The following COL10A1 variants were observed in gnomAD, a reference collection of about 807,000 sequenced individuals.
The protein encoded by COL10A1 is collagen type X alpha 1 chain.
A neutral mutation model predicts 18.2 loss-of-function variants in COL10A1; 10 were observed. The observed-to-expected ratio is 0.55, with a 90% confidence interval of 0.34 to 0.93. The LOEUF (loss-of-function observed/expected upper bound fraction) is 0.93. Ranked by LOEUF, COL10A1 falls within the 40% of genes least tolerant of loss-of-function variation. COL10A1 has a pLI of 0.02. For missense variants in COL10A1, 897 were observed against 853.5 expected, an observed-to-expected ratio of 1.05 and a Z score of -0.64; for synonymous variants, 330 against 316.6, an observed-to-expected ratio of 1.04 and a Z score of -0.45.
At chr6:116,141,922 A>ACACC (rs1779776278) in intron 1 of COL10A1, among the ~76,000 whole-genome samples, 1 of 145,544 alleles carries the variant, frequency 6.9e-6, no homozygotes, top group African/African-American at 2.5e-5. Context: ...ACACACACAC[A>ACACC]CACACTGTAA....
the COL10A1 span, among the ~76,000 whole-genome samples, chr6:116,208,068 A>G: frequency 6.6e-6 from 1 of 151,980 alleles, no homozygotes; most frequent in African/African-American, 2.4e-5. Context: ...TTCAGTCCTC[A>G]GTGTGGGGCA....
chr6:116,180,673 T>C, the COL10A1 span, among the ~76,000 whole-genome samples: 28 of 152,204 alleles, frequency 1.8e-4, no homozygotes, highest in African/African-American at 6.5e-4. Flanking sequence ...TAATTACCAG[T>C]TCATAGGAAC....
chr6:116,132,035 A>T (rs1429649328), intron 1 of COL10A1, among the ~76,000 whole-genome samples: 3 of 152,142 alleles, frequency 2.0e-5, no homozygotes, highest in Non-Finnish European at 2.9e-5. Context: ...ATAGTATTCC[A>T]TGGGGTATAT....
At chr6:116,202,168 A>C in the COL10A1 span, among the ~76,000 whole-genome samples, 1 of 152,002 alleles carries the variant, frequency 6.6e-6, no homozygotes, top group Admixed American at 6.6e-5. Flanking sequence ...GCACCAGTCT[A>C]GACAGTGTAG....
At chr6:116,197,819 T>C in the COL10A1 span, among the ~76,000 whole-genome samples, 1 of 152,206 alleles carries the variant, frequency 6.6e-6, no homozygotes, top group African/African-American at 2.4e-5. Flanking sequence ...CATTTCTTCT[T>C]TATGTTTGCT....
the COL10A1 span, among the ~76,000 whole-genome samples, chr6:116,175,548 G>A: frequency 6.6e-5 from 10 of 152,074 alleles, no homozygotes; most frequent in Non-Finnish European, 1.2e-4. Context: ...CCCCAATTAT[G>A]AGTATGTTGG....
In COL10A1 at chr6:116,121,885, A is replaced by G; in HGVS notation, c.231T>C (p.Ser77=). The change falls in exon 3 of 3, where the codon TCT becomes TCC. Residue 77 remains serine (S), a synonymous_variant. Transcript: ENST00000651968. ...CGTAGCCTGGTTTTCCTGGTGGTCC[A>G]GAAGGACCTGGGTGCCCTCGAGGTC... is the stretch of plus-strand genomic sequence containing the variant. ...PAGPRGHPGP[S]GPPGKPGYGS... is the part of the protein sequence containing the mutation. 1 of 1,613,962 alleles carries G rather than the reference A, an allele frequency of 6.2e-7. No individual in the cohort carries two copies. The highest frequency in any genetic ancestry group is 8.5e-7 in the Non-Finnish European group (1 of 1,179,968).
chr6:116,163,422 A>G (rs1398913970), upstream of COL10A1, among the ~76,000 whole-genome samples: 1 of 151,920 alleles, frequency 6.6e-6, no homozygotes, highest in African/African-American at 2.4e-5. Context: ...AGATGTTCAT[A>G]GTAGTTTCTG....
the COL10A1 span, among the ~76,000 whole-genome samples, chr6:116,176,252 T>C: frequency 1.3e-5 from 2 of 152,310 alleles, no homozygotes; most frequent in African/African-American, 4.8e-5. Flanking sequence ...CTCCAGCTAA[T>C]GTTTCAGCTG....
the COL10A1 span, among the ~76,000 whole-genome samples, chr6:116,216,043 G>T: frequency 2.0e-5 from 3 of 152,072 alleles, no homozygotes; most frequent in Admixed American, 6.6e-5. Flanking sequence ...AAGGAGGAAT[G>T]AAATCCATCA....
chr6:116,171,472 A>G, the COL10A1 span, among the ~76,000 whole-genome samples: 42 of 152,346 alleles, frequency 2.8e-4, no homozygotes, highest in African/African-American at 1.0e-3. Context: ...GATGATTATT[A>G]TCATCGTAAT....
chr6:116,119,210 T>G lies in COL10A1; in HGVS notation c.*863A>C, dbSNP rs534963820. 6.6e-6 allele frequency: 1 copy of G among 152,648 alleles called. No homozygotes were observed. The highest frequency in any genetic ancestry group is 1.5e-5 in the Non-Finnish European group (1 of 68,034). 9.5% of individuals were successfully genotyped at this position (152,648 alleles called of 1,614,324 possible). A position where few individuals can be genotyped will look rare whatever the true frequency, so the allele number is the denominator to read the frequency against. ...CCCTCAGTGTAAATTATAACTTCAC[T>G]TGAATGGGAGGCACAAGGTACATGT... On this transcript the variant is annotated 3_prime_UTR_variant, in exon 3 of 3. Transcript: ENST00000651968.
chr6:116,125,403 G>C lies in COL10A1; in HGVS notation c.90C>G (p.Gly30=). 2.5e-6 allele frequency: 4 copies of C among 1,613,818 alleles called. No homozygotes were observed. Among genetic ancestry groups the C allele is most frequent in the Non-Finnish European group, 3.4e-6 (4 of 1,179,858 alleles). ...TGGTGTTGGGTAGTGGGCCTTTTAT[G>C]CCTGTGGGCATTTGGTATCGTTCAG... ...FYAERYQMPT[G]IKGPLPNTKT... is the part of the protein sequence containing the mutation. The change falls in exon 2 of 3, where the codon GGC becomes GGG. Residue 30 remains glycine (G), a synonymous_variant. Transcript: ENST00000651968.
chr6:116,125,466 CA>C lies in COL10A1; in HGVS notation c.26del (p.Leu9ArgfsTer2). On this transcript the variant is annotated frameshift_variant, in exon 2 of 3. Coordinates refer to ENST00000651968, the MANE Select transcript of COL10A1 (RefSeq NM_000493.4). LOFTEE classifies it high-confidence loss of function. ...CATGAACCAAGTTCAAGGATACTAG[CA>C]GCAAAAAGGGTATTTGTGGCAGCAT... MLPQIPFL[L>X]LVSLNLVHGV... The C allele has an allele frequency of 1.2e-6, 2 of 1,613,664 alleles. No homozygotes were observed. The highest frequency in any genetic ancestry group is 1.7e-6 in the Non-Finnish European group (2 of 1,179,790).
chr6:116,186,576 T>G, the COL10A1 span, among the ~76,000 whole-genome samples: 1 of 152,124 alleles, frequency 6.6e-6, no homozygotes, highest in Admixed American at 6.6e-5. Flanking sequence ...TCATTTTTAT[T>G]TAATTCTTTT....
chr6:116,122,671 T>C (rs1238635969), intron 2 of COL10A1, among the ~76,000 whole-genome samples: 1 of 152,206 alleles, frequency 6.6e-6, no homozygotes, highest in Non-Finnish European at 1.5e-5. Context: ...GTGCCTGTGA[T>C]GTGAAAAATG....
the COL10A1 span, among the ~76,000 whole-genome samples, chr6:116,182,324 T>C: frequency 6.6e-6 from 1 of 152,032 alleles, no homozygotes; most frequent in Admixed American, 6.6e-5. Context: ...ATTTTAGCAG[T>C]TGCAAATTGT....
chr6:116,134,699 TAAC>T, intron 1 of COL10A1, among the ~76,000 whole-genome samples: 1 of 152,328 alleles, frequency 6.6e-6, no homozygotes, highest in Admixed American at 6.5e-5. Context: ...GTCCTAGTAT[TAAC>T]AACTTCTTCC....
At chr6:116,164,370 TTTAAAGTCTATTTTATC>T in the COL10A1 span, among the ~76,000 whole-genome samples, 1 of 152,182 alleles carries the variant, frequency 6.6e-6, no homozygotes, top group African/African-American at 2.4e-5. Context: ...CTCTTGTTGG[TTTAAAGTCTATTTTATC>T]TGACATAAGA....
Sources: allele counts gnomAD v4.1 joint callset (sites outside exome capture counted in the v4.1 genomes callset), GRCh38; gene constraint gnomAD v4.1.1; transcripts MANE v1.5; gene names NCBI Gene and HGNC (gene_info 2026-07-23, HGNC 2026-07-21).